ARHGAP15: variants seen among roughly 807,000 people sequenced by gnomAD.
ARHGAP15 encodes rho GTPase-activating protein 15.
ARHGAP15 carries 51 observed loss-of-function variants against 63.7 expected under a neutral mutation model. The observed-to-expected ratio is 0.80, with a 90% CI of 0.64 to 1.01. The LOEUF (loss-of-function observed/expected upper bound fraction) is 1.01. ARHGAP15 is among the 50% of genes least tolerant of loss of function. The pLI is 0.00. For synonymous variants in ARHGAP15, 191 were observed against 193.8 expected, an observed-to-expected ratio of 0.99 and a Z score of 0.12; for missense variants, 560 against 564.6, an observed-to-expected ratio of 0.99 and a Z score of 0.08.
At chr2:143,584,141 C>T (rs1051867744) in intron 11 of ARHGAP15, among the ~76,000 whole-genome samples, 3 of 151,978 alleles carry the variant, frequency 2.0e-5, no homozygotes, top group Admixed American at 6.6e-5. Context: ...CTAAAATTAC[C>T]GAAATAAAGC....
intron 11 of ARHGAP15, among the ~76,000 whole-genome samples, chr2:143,609,821 C>A (rs1222402161): frequency 1.3e-5 from 2 of 152,064 alleles, no homozygotes; most frequent in Admixed American, 6.6e-5. Flanking sequence ...GGGCAGGAGA[C>A]AATGCAAGAA....
At chr2:143,469,837 T>TTG (rs1447190246) in intron 8 of ARHGAP15, among the ~76,000 whole-genome samples, 5 of 152,212 alleles carry the variant, frequency 3.3e-5, no homozygotes, top group African/African-American at 1.2e-4. Flanking sequence ...AAATTTAAAG[T>TTG]TATATATGTG....
intron 2 of ARHGAP15, among the ~76,000 whole-genome samples, chr2:143,168,320 G>C (rs904514161): frequency 2.0e-5 from 3 of 152,004 alleles, no homozygotes; most frequent in African/African-American, 7.2e-5. Context: ...TAGGACTACA[G>C]GTGCACACCA....
chr2:143,519,417 C>G (rs1368054549), intron 10 of ARHGAP15, 53 bp downstream of exon 10: 1 of 1,444,294 alleles, frequency 6.9e-7, no homozygotes, highest in Non-Finnish European at 9.7e-7. Flanking sequence ...CTCTACACAA[C>G]CAATACTCAA....
intron 12 of ARHGAP15, among the ~76,000 whole-genome samples, chr2:143,631,858 G>A (rs568657151): frequency 5.5e-4 from 80 of 145,154 alleles, no homozygotes; most frequent in African/African-American, 1.6e-3. Flanking sequence ...GTGCCTTCAC[G>A]TGGACTAATA....
chr2:143,583,486 A>G (rs1195737137), intron 11 of ARHGAP15, among the ~76,000 whole-genome samples: 1 of 152,006 alleles, frequency 6.6e-6, no homozygotes, highest in Non-Finnish European at 1.5e-5. Context: ...TAGAAAGTTG[A>G]GTTACTCATG....
At chr2:143,414,804 A>G (rs1020879117) in intron 6 of ARHGAP15, among the ~76,000 whole-genome samples, 3 of 152,128 alleles carry the variant, frequency 2.0e-5, no homozygotes, top group Admixed American at 2.0e-4. Flanking sequence ...GTGGTGGCGC[A>G]TGCCTATAAT....
intron 13 of ARHGAP15, among the ~76,000 whole-genome samples, chr2:143,707,580 C>A (rs1684388156): frequency 6.6e-6 from 1 of 152,138 alleles, no homozygotes; most frequent in Admixed American, 6.5e-5. Flanking sequence ...CCCGTATATG[C>A]AATGTATCTC....
intron 5 of ARHGAP15, among the ~76,000 whole-genome samples, chr2:143,250,141 CTT>C (rs983067901): frequency 3.3e-5 from 5 of 151,980 alleles, no homozygotes; most frequent in Admixed American, 1.3e-4. Flanking sequence ...AGTAATATAA[CTT>C]AACATGCTTT....
intron 11 of ARHGAP15, among the ~76,000 whole-genome samples, chr2:143,584,202 C>T (rs999527619): frequency 2.6e-5 from 4 of 152,238 alleles, no homozygotes; most frequent in African/African-American, 9.6e-5. Flanking sequence ...CAGTAAAGAC[C>T]AATCTTCTTT....
Position 143,155,564 on chromosome 2 carries a change from A to G in ARHGAP15, c.74A>G (p.Gln25Arg). The G allele has an allele frequency of 3.1e-6, 5 of 1,609,484 alleles. No homozygotes were observed. Among genetic ancestry groups the G allele is most frequent in the Non-Finnish European group, 4.2e-6 (5 of 1,178,082 alleles). ...NSTRQGTGAVQMRIKNANSHH... is the reference protein window; with the variant it reads ...NSTRQGTGAVRMRIKNANSHH... ...ACCCGCCAAGGCACAGGAGCTGTGC[A>G]AATGAGAATCAAAAATGCCAACAGC... The change falls in exon 2 of 14, where the codon CAA (glutamine) becomes CGA (arginine). Residue 25 changes from glutamine to arginine, a missense_variant. Gln to Arg is a conservative substitution (Grantham distance 43, BLOSUM62 1). Coordinates refer to ENST00000295095, the MANE Select transcript of ARHGAP15 (RefSeq NM_018460.4).
At chr2:143,763,427 T>C (rs1300043361) in intron 13 of ARHGAP15, among the ~76,000 whole-genome samples, 1 of 152,022 alleles carries the variant, frequency 6.6e-6, no homozygotes, top group Non-Finnish European at 1.5e-5. Context: ...CCCACATAAT[T>C]TAAACTTTAA....
intron 13 of ARHGAP15, among the ~76,000 whole-genome samples, chr2:143,736,745 C>A (rs552921744): frequency 6.6e-6 from 1 of 152,302 alleles, no homozygotes; most frequent in African/African-American, 2.4e-5. Flanking sequence ...CAATGCCTGG[C>A]ACACAGTAAG....
intron 8 of ARHGAP15, among the ~76,000 whole-genome samples, chr2:143,450,132 G>T (rs1246532122): frequency 1.4e-5 from 2 of 141,466 alleles, no homozygotes; most frequent in African/African-American, 2.6e-5. Flanking sequence ...AGGTACCTGG[G>T]TTTGTTACTG....
intron 8 of ARHGAP15, among the ~76,000 whole-genome samples, chr2:143,466,023 A>T (rs1220356302): frequency 6.6e-6 from 1 of 151,872 alleles, no homozygotes; most frequent in Admixed American, 6.6e-5. Context: ...ATGGAGACTG[A>T]CTTCTTTCTT....
chr2:143,715,007 G>GC (rs1297705213), intron 13 of ARHGAP15, among the ~76,000 whole-genome samples: 3 of 151,868 alleles, frequency 2.0e-5, no homozygotes, highest in Non-Finnish European at 4.4e-5. Flanking sequence ...TTTCAGCAAC[G>GC]CCCCACTCTA....
intron 3 of ARHGAP15, among the ~76,000 whole-genome samples, chr2:143,213,801 A>G (rs1692645297): frequency 1.3e-5 from 2 of 152,196 alleles, no homozygotes; most frequent in Non-Finnish European, 2.9e-5. Flanking sequence ...CCTCTGTATG[A>G]TCATTCCTGA....
intron 12 of ARHGAP15, among the ~76,000 whole-genome samples, chr2:143,688,350 A>G (rs923054906): frequency 3.9e-5 from 6 of 152,156 alleles, no homozygotes; most frequent in Non-Finnish European, 8.8e-5. Context: ...CAATGTTCCA[A>G]TGTTGTTTTC....
intron 6 of ARHGAP15, among the ~76,000 whole-genome samples, chr2:143,298,059 T>C (rs979745717): frequency 9.9e-5 from 15 of 151,982 alleles, no homozygotes; most frequent in Non-Finnish European, 2.2e-4. Flanking sequence ...GATATCATTC[T>C]CTCCAGTGGG....
Sources: allele counts gnomAD v4.1 joint callset (sites outside exome capture counted in the v4.1 genomes callset), GRCh38; gene constraint gnomAD v4.1.1; transcripts MANE v1.5; gene names NCBI Gene and HGNC (gene_info 2026-07-23, HGNC 2026-07-21).